CD72: variants seen among roughly 807,000 people sequenced by gnomAD.
The protein encoded by CD72 is B-cell differentiation antigen CD72.
Under a neutral mutation model 50.7 loss-of-function variants are expected in CD72, and 28 were observed. The ratio of observed to expected loss-of-function variants is 0.55; its 90% confidence interval spans 0.41 to 0.76. CD72 has a LOEUF of 0.76. Ranked by LOEUF, CD72 falls within the 30% of genes least tolerant of loss-of-function variation. The pLI, the probability that CD72 is intolerant of heterozygous loss-of-function variation, is 0.00. For synonymous variants in CD72, 176 were observed against 171.2 expected, an observed-to-expected ratio of 1.03 and a Z score of -0.22; for missense variants, 403 against 420.6, an observed-to-expected ratio of 0.96 and a Z score of 0.37.
chr9:35,610,820 C>A, intron 7 of CD72, 67 bp from the exon 8 acceptor site: 1 of 1,363,992 alleles, frequency 7.3e-7, no homozygotes. Flanking sequence ...CTCTCCCCTT[C>A]CCCTGTATAA....
upstream of CD72, among the ~76,000 whole-genome samples, chr9:35,623,966 AC>A (rs1316445971): frequency 6.6e-6 from 1 of 151,792 alleles, no homozygotes. Flanking sequence ...CCAGTGGCTC[AC>A]GCCTGTAATC....
At chr9:35,617,027 G>T in intron 3 of CD72, 149 bp downstream of exon 3, 1 of 1,466,322 alleles carries the variant, frequency 6.8e-7, no homozygotes, top group South Asian at 1.4e-5. Flanking sequence ...ACCGGATGAA[G>T]GTGAATGTGG....
In CD72 at chr9:35,618,214, C is replaced by T; in HGVS notation, c.82+8G>A. On this transcript the variant is annotated splice_region_variant and intron_variant, in intron 1 of 8. Transcript: ENST00000259633. Reference sequence around the variant, plus strand: ...TGCAGGATCAAGGGGAGGCCTCATCCCCCTTACCCTGTCCTAACCGGCTGG... The same window carrying T: ...TGCAGGATCAAGGGGAGGCCTCATCTCCCTTACCCTGTCCTAACCGGCTGG... 1 of 1,613,774 alleles carries T rather than the reference C, an allele frequency of 6.2e-7. No homozygotes were observed. Among genetic ancestry groups the T allele is most frequent in the Non-Finnish European group, 8.5e-7 (1 of 1,179,692 alleles).
chr9:35,616,247 C>G lies in CD72; in HGVS notation c.384G>C (p.Thr128=), dbSNP rs778617175. 2 of 1,613,950 alleles carry G rather than the reference C, an allele frequency of 1.2e-6. No homozygotes were observed. The highest frequency in any genetic ancestry group is 1.1e-5 in the South Asian group (1 of 91,062). ...YLQVSQQLQQ[T]NRVLEVTNSS... is the part of the protein sequence containing the mutation. Reference sequence around the variant, plus strand: ...TGTTAGTGACTTCCAGAACCCTGTTCGTCTGCTGGAGCTGCTGAGACACCT... The same window carrying G: ...TGTTAGTGACTTCCAGAACCCTGTTGGTCTGCTGGAGCTGCTGAGACACCT... Residue 128 remains threonine, a synonymous_variant, in exon 5 of 9, where the codon ACG becomes ACC. Transcript: ENST00000259633.
intron 1 of CD72, among the ~76,000 whole-genome samples, chr9:35,629,757 G>A (rs1410524811): frequency 6.6e-6 from 1 of 152,216 alleles, no homozygotes; most frequent in Admixed American, 6.5e-5. Flanking sequence ...CACAGAAGGT[G>A]TGCTTTTACC....
intron 1 of CD72, among the ~76,000 whole-genome samples, chr9:35,645,770 G>A (rs1020825260): frequency 1.3e-5 from 2 of 152,170 alleles, no homozygotes; most frequent in Non-Finnish European, 2.9e-5. Flanking sequence ...CAAGCTGGAA[G>A]TTTAAACCCA....
In CD72 at chr9:35,610,318, CAGTG is replaced by C. The variant is rs34857576; in HGVS notation, c.*23-22_*23-19del. On this transcript the variant is annotated intron_variant, in intron 8 of 8. Transcript: ENST00000259633. ...ATGAGTGTCTGGAAAAGTAAAGTAT[CAGTG>C]AGCTCCATGGTTGACTTAACTGAAC... 152,193 of 291,090 alleles carry C rather than the reference CAGTG, an allele frequency of 0.52. 40,754 individuals are homozygous for C. Among genetic ancestry groups the C allele is most frequent in the Middle Eastern group, 0.58 (545 of 940 alleles). The allele number at this position is 291,090 out of a possible 1,614,324, so 18.0% of individuals were successfully genotyped here.
chr9:35,615,488 G>A (rs992278906), intron 5 of CD72, among the ~76,000 whole-genome samples: 1 of 152,068 alleles, frequency 6.6e-6, no homozygotes, highest in African/African-American at 2.4e-5. Flanking sequence ...GCGCCTCACT[G>A]CCTTGCCCCA....
intron 1 of CD72, among the ~76,000 whole-genome samples, chr9:35,629,716 G>A (rs959054665): frequency 1.3e-5 from 2 of 152,162 alleles, no homozygotes; most frequent in South Asian, 2.1e-4. Context: ...GTCTCTGCCC[G>A]CCTCCACCTT....
rs1232890833 is a variant in CD72 at position 35,611,858 on chromosome 9, G to C, written c.896C>G (p.Thr299Ser). ...PNGGSGNSYW[T>S]GLSSNKDWKL... ...CCAATCCTTGTTAGAGCTGAGGCCA[G>C]TCCAATATGAATTCCCTGAACCACC... Residue 299 changes from threonine to serine, a missense_variant, in exon 7 of 9, where the codon ACT becomes AGT. Thr to Ser is a moderately conservative substitution (Grantham distance 58). Transcript: ENST00000259633. 5 of 1,613,120 alleles carry C rather than the reference G, an allele frequency of 3.1e-6. No homozygotes were observed. Among genetic ancestry groups the C allele is most frequent in the Non-Finnish European group, 4.2e-6 (5 of 1,179,086 alleles).
At chr9:35,637,093 CTTAAG>C (rs1823297679) in intron 1 of CD72, among the ~76,000 whole-genome samples, 1 of 152,206 alleles carries the variant, frequency 6.6e-6, no homozygotes, top group Non-Finnish European at 1.5e-5. Context: ...CCTCCCCACC[CTTAAG>C]AAGGTACTTT....
At position 35,616,042 on chromosome 9, in the gene CD72, CCTT is replaced by C; in HGVS notation, c.586_588del (p.Lys196del). ...TGTTGCTCCTCACTTTGCAAGGTCT[CCTT>C]CGTCTTCTGTCTGTCTGCCTGGCAG... On this transcript the variant is annotated inframe_deletion, in exon 5 of 9. Coordinates refer to ENST00000259633, the MANE Select transcript of CD72 (RefSeq NM_001782.3). 1 of 1,614,166 alleles carries C rather than the reference CCTT, an allele frequency of 6.2e-7. No homozygotes were observed. Among genetic ancestry groups the C allele is most frequent in the Non-Finnish European group, 8.5e-7 (1 of 1,180,042 alleles).
chr9:35,622,059 G>C (rs1007130382), upstream of CD72, among the ~76,000 whole-genome samples: 1 of 152,226 alleles, frequency 6.6e-6, no homozygotes. Flanking sequence ...AGAATAGGGA[G>C]ACTCTGGTTA....
intron 1 of CD72, among the ~76,000 whole-genome samples, chr9:35,645,698 G>T (rs1478591471): frequency 6.6e-6 from 1 of 152,126 alleles, no homozygotes; most frequent in African/African-American, 2.4e-5. Flanking sequence ...TAAAAATTAA[G>T]AATTAAAAAA....
intron 1 of CD72, among the ~76,000 whole-genome samples, chr9:35,641,297 C>A (rs369653948): frequency 2.0e-5 from 3 of 152,024 alleles, no homozygotes; most frequent in Non-Finnish European, 4.4e-5. Context: ...TTTGAAGAAC[C>A]ATTTGTAGTT....
chr9:35,615,935 G>A lies in CD72; in HGVS notation c.688+8C>T. ...CCCTCCCTTCTCTCCTCTCCCCAGA[G>A]CGGATACCTGCTGAGCCGCATGTGA... On this transcript the variant is annotated splice_region_variant and intron_variant, in intron 5 of 8. Coordinates refer to ENST00000259633, the MANE Select transcript of CD72 (RefSeq NM_001782.3). The A allele has an allele frequency of 6.2e-7, 1 of 1,608,124 alleles. No homozygotes were observed. The highest frequency in any genetic ancestry group is 8.5e-7 in the Non-Finnish European group (1 of 1,176,172).
chr9:35,613,016 T>C (rs898127560), intron 5 of CD72, 23 bp from the exon 6 acceptor site: 3 of 1,595,310 alleles, frequency 1.9e-6, no homozygotes, highest in Middle Eastern at 3.3e-4. Context: ...AAGAGTGTGA[T>C]AGCAGCAACA....
At chr9:35,610,439 C>A in intron 8 of CD72, 139 bp from the exon 9 acceptor site, 1 of 286,824 alleles carries the variant, frequency 3.5e-6, no homozygotes, top group Non-Finnish European at 7.0e-6. Flanking sequence ...CCCTCCCTGC[C>A]CACCCCACCC....
Position 35,612,841 on chromosome 9 carries a change from T to C in CD72, c.834+7A>G, listed in dbSNP as rs752929460. On this transcript the variant is annotated splice_region_variant and intron_variant, in intron 6 of 8. Transcript: ENST00000259633. Reference sequence around the variant, plus strand: ...CCACTGCAGTCTGTGAGTAAGGATATGCTTACTGATTGTGGATAAATTTCA... The same window carrying C: ...CCACTGCAGTCTGTGAGTAAGGATACGCTTACTGATTGTGGATAAATTTCA... 12 of 1,613,906 alleles carry C rather than the reference T, an allele frequency of 7.4e-6. No individual in the cohort carries two copies. In the South Asian group the frequency reaches 1.1e-4, roughly 15 times the overall value.
Sources: allele counts gnomAD v4.1 joint callset (sites outside exome capture counted in the v4.1 genomes callset), GRCh38; gene constraint gnomAD v4.1.1; transcripts MANE v1.5; gene names NCBI Gene and HGNC (gene_info 2026-07-23, HGNC 2026-07-21).